The following CYP39A1 variants were observed in gnomAD, a reference collection of about 807,000 sequenced individuals.
CYP39A1 encodes the protein 24-hydroxycholesterol 7-alpha-hydroxylase.
CYP39A1 carries 49 observed loss-of-function variants against 58.1 expected under a neutral mutation model. That is an observed-to-expected ratio of 0.84 (90% CI 0.67 to 1.07). The LOEUF is 1.07. Ranked by LOEUF, CYP39A1 falls within the 50% of genes least tolerant of loss-of-function variation. The pLI is 0.00. For missense variants in CYP39A1, 531 were observed against 539.4 expected, an observed-to-expected ratio of 0.98 and a Z score of 0.16; for synonymous variants, 209 against 187.6, an observed-to-expected ratio of 1.11 and a Z score of -0.93.
intron 7 of CYP39A1, among the ~76,000 whole-genome samples, chr6:46,604,367 T>C (rs572652202): frequency 6.6e-6 from 1 of 151,710 alleles, no homozygotes; most frequent in Non-Finnish European, 1.5e-5. Flanking sequence ...TAGTGCTTTT[T>C]CCTTGAGGTA....
intron 7 of CYP39A1, among the ~76,000 whole-genome samples, chr6:46,624,910 A>G (rs571066619): frequency 3.7e-4 from 56 of 152,308 alleles, no homozygotes; most frequent in Admixed American, 9.2e-4. Context: ...TCAAATTTCT[A>G]ACAACCATAA....
At chr6:46,563,428 A>C (rs1771088025) in intron 10 of CYP39A1, among the ~76,000 whole-genome samples, 1 of 152,250 alleles carries the variant, frequency 6.6e-6, no homozygotes, top group Non-Finnish European at 1.5e-5. Flanking sequence ...AAAGCTCATT[A>C]AAATAGAAAC....
intron 10 of CYP39A1, among the ~76,000 whole-genome samples, chr6:46,569,515 A>G (rs1358366318): frequency 6.6e-6 from 1 of 152,000 alleles, no homozygotes; most frequent in Non-Finnish European, 1.5e-5. Context: ...CTTGTCATAT[A>G]TGGCCTTTAT....
At chr6:46,562,363 A>T (rs1331248972) in intron 10 of CYP39A1, among the ~76,000 whole-genome samples, 1 of 152,202 alleles carries the variant, frequency 6.6e-6, no homozygotes, top group East Asian at 1.9e-4. Flanking sequence ...CAAAAAAAAA[A>T]GTATGTGACA....
chr6:46,604,067 G>A (rs1273902613), intron 7 of CYP39A1, among the ~76,000 whole-genome samples: 2 of 152,046 alleles, frequency 1.3e-5, no homozygotes, highest in Non-Finnish European at 2.9e-5. Context: ...ATTTTACAAG[G>A]AAAATTTCTT....
chr6:46,615,951 A>C (rs542268175), intron 7 of CYP39A1, among the ~76,000 whole-genome samples: 18 of 150,004 alleles, frequency 1.2e-4, no homozygotes, highest in Admixed American at 2.0e-4. Flanking sequence ...TAATACTATA[A>C]TACCACCTTC....
chr6:46,589,560 T>G (rs1772697201), intron 8 of CYP39A1, among the ~76,000 whole-genome samples: 1 of 152,084 alleles, frequency 6.6e-6, no homozygotes, highest in South Asian at 2.1e-4. Context: ...TAGTGGCAGC[T>G]GAGTATTGCT....
At chr6:46,584,155 T>G (rs911879733) in intron 10 of CYP39A1, among the ~76,000 whole-genome samples, 5 of 152,188 alleles carry the variant, frequency 3.3e-5, no homozygotes, top group African/African-American at 1.2e-4. Flanking sequence ...AACAAAACAT[T>G]TCATGCATTG....
At chr6:46,636,741 C>A (rs1259720577) in intron 4 of CYP39A1, among the ~76,000 whole-genome samples, 1 of 152,140 alleles carries the variant, frequency 6.6e-6, no homozygotes, top group African/African-American at 2.4e-5. Flanking sequence ...AATAAGAAGG[C>A]AGAACCCACA....
In CYP39A1 at chr6:46,625,152, T is replaced by C. The variant is rs9463232; in HGVS notation, c.931+266A>G. Among the ~76,000 whole-genome samples, 28,934 of 151,944 alleles carry C rather than the reference T, an allele frequency of 0.19. 2,940 individuals carry two copies. Among genetic ancestry groups the C allele is most frequent in the African/African-American group, 0.27 (11,035 of 41,414 alleles). On this transcript the variant is annotated intron_variant, in intron 7 of 11. Transcript: ENST00000275016. The stretch of plus-strand genomic sequence containing the variant: ...TTAGAAGAACAAACAGGTGTATATA[T>C]ATTTAAGTAAGGAAATTAGGCAAAT...
intron 3 of CYP39A1, among the ~76,000 whole-genome samples, chr6:46,638,543 A>G (rs1364992662): frequency 6.6e-6 from 1 of 152,206 alleles, no homozygotes; most frequent in Non-Finnish European, 1.5e-5. Flanking sequence ...CATGCCTTAA[A>G]ACACTTAATA....
chr6:46,571,305 T>C (rs192019405), intron 10 of CYP39A1, among the ~76,000 whole-genome samples: 1 of 152,248 alleles, frequency 6.6e-6, no homozygotes, highest in East Asian at 1.9e-4. Context: ...GATCTCTCTA[T>C]TGTTGAAAGT....
intron 7 of CYP39A1, among the ~76,000 whole-genome samples, chr6:46,600,998 C>A (rs1055811691): frequency 5.3e-5 from 8 of 152,052 alleles, no homozygotes; most frequent in African/African-American, 1.9e-4. Context: ...CGGGACTGAG[C>A]CCCTAACCTG....
chr6:46,616,192 T>C (rs1186382570), intron 7 of CYP39A1, among the ~76,000 whole-genome samples: 27 of 3,734 alleles, frequency 7.2e-3, no homozygotes, highest in African/African-American at 8.6e-3. Flanking sequence ...TCTTTCTTCT[T>C]TCCCTCCCTC....
intron 8 of CYP39A1, among the ~76,000 whole-genome samples, chr6:46,592,620 T>G (rs549803034): frequency 6.6e-6 from 1 of 152,288 alleles, no homozygotes; most frequent in Non-Finnish European, 1.5e-5. Flanking sequence ...TTAGATGACT[T>G]TGCTACCAAT....
chr6:46,564,226 C>A (rs2150487127), intron 10 of CYP39A1, among the ~76,000 whole-genome samples: 1 of 150,580 alleles, frequency 6.6e-6, no homozygotes, highest in African/African-American at 2.5e-5. Context: ...GAGTCTCCCT[C>A]TGTTGCCCAG....
intron 10 of CYP39A1, among the ~76,000 whole-genome samples, chr6:46,560,635 T>G (rs1027483960): frequency 1.3e-5 from 2 of 152,136 alleles, no homozygotes; most frequent in African/African-American, 4.8e-5. Flanking sequence ...GGAAGCTAAG[T>G]AATGAGCCCC....
At chr6:46,638,427 C>G (rs1047068841) in intron 3 of CYP39A1, among the ~76,000 whole-genome samples, 1 of 152,148 alleles carries the variant, frequency 6.6e-6, no homozygotes, top group South Asian at 2.1e-4. Context: ...TAAATTCAAA[C>G]TATTGCCCAT....
intron 10 of CYP39A1, among the ~76,000 whole-genome samples, chr6:46,584,467 G>A (rs986358951): frequency 4.6e-5 from 7 of 151,948 alleles, no homozygotes; most frequent in African/African-American, 7.3e-5. Flanking sequence ...CCTGACCCCC[G>A]CTTCTAATCA....
Sources: allele counts gnomAD v4.1 joint callset (sites outside exome capture counted in the v4.1 genomes callset), GRCh38; gene constraint gnomAD v4.1.1; transcripts MANE v1.5; gene names NCBI Gene and HGNC (gene_info 2026-07-23, HGNC 2026-07-21).